ST7: variants seen among roughly 807,000 people sequenced by gnomAD.
ST7 encodes suppression of tumorigenicity 7.
Under a neutral mutation model 78.7 loss-of-function variants are expected in ST7, and 28 were observed. That is an observed-to-expected ratio of 0.36 (90% CI 0.26 to 0.49). The LOEUF (loss-of-function observed/expected upper bound fraction) is 0.49, where lower values mean the gene tolerates loss of function less well. ST7 is among the 20% of genes least tolerant of loss of function. ST7 has a pLI of 0.99. For missense variants in ST7, 418 were observed against 696.0 expected, an observed-to-expected ratio of 0.60 and a Z score of 4.49; for synonymous variants, 247 against 249.6, an observed-to-expected ratio of 0.99 and a Z score of 0.10.
intron 12 of ST7, among the ~76,000 whole-genome samples, chr7:117,200,708 C>T (rs763762634): frequency 4.6e-5 from 7 of 151,454 alleles, no homozygotes; most frequent in African/African-American, 1.5e-4. Flanking sequence ...TAGCCCAGTA[C>T]GTATTTAGCT....
rs761141138 is a variant in ST7 at position 117,112,108 on chromosome 7, G to A, written c.235-7453G>A. Among the ~76,000 whole-genome samples the A allele has an allele frequency of 4.4e-4, 65 of 149,248 alleles. No individual in the cohort carries two copies. The Middle Eastern group carries it at 0.01, about 23-fold the overall frequency. On this transcript the variant is annotated intron_variant, in intron 2 of 15. Transcript: ENST00000323984. ...CATATATATGCATGTGTGTGTGTGT[G>A]TATATATATATATAACAGAGGTATT...
At chr7:116,980,466 G>A (rs1330032112) in intron 1 of ST7, among the ~76,000 whole-genome samples, 2 of 151,926 alleles carry the variant, frequency 1.3e-5, no homozygotes, top group Admixed American at 6.6e-5. Context: ...CTTTTCCCTC[G>A]AGAGTTTTAC....
In ST7 at chr7:117,014,526, A is replaced by G. The variant is rs1476139735; in HGVS notation, c.151+60835A>G. Among the ~76,000 whole-genome samples the G allele has an allele frequency of 3.7e-4, 57 of 152,256 alleles. 1 individual carries two copies. The highest frequency in any genetic ancestry group is 2.9e-5 in the Non-Finnish European group (2 of 68,048). On this transcript the variant is annotated intron_variant, in intron 1 of 15. Coordinates refer to ENST00000323984, the MANE Select transcript of ST7 (RefSeq NM_001369598.1). ...TTTCAAATGGACAAATGGATAAAAT[A>G]TGCATATGTACTATCAAATGAATGA...
At position 117,180,234 on chromosome 7, in the gene ST7, A is replaced by G. The variant is rs533514920; in HGVS notation, c.1079-9087A>G. On this transcript the variant is annotated intron_variant, in intron 10 of 15. Transcript: ENST00000323984. ...AAGGGAGAAGAGCCTGTCAGGACCT[A>G]TGTAGCCCATCAGTGCCTACCTACT... 2.6e-5 allele frequency among the ~76,000 whole-genome samples: 4 copies of G among 152,294 alleles called. No homozygotes were observed. In the South Asian group the frequency reaches 8.3e-4, roughly 32 times the overall value.
In ST7 at chr7:117,187,138, T is replaced by C. The variant is rs17139436; in HGVS notation, c.1079-2183T>C. On this transcript the variant is annotated intron_variant, in intron 10 of 15. Coordinates refer to ENST00000323984, the MANE Select transcript of ST7 (RefSeq NM_001369598.1). Reference sequence around the variant, plus strand: ...AGGCAAATTGCTATTACCAAGTAGATGTAATGTTTTTACAGATAAAAGAAT... The same window carrying C: ...AGGCAAATTGCTATTACCAAGTAGACGTAATGTTTTTACAGATAAAAGAAT... 5.1e-3 allele frequency among the ~76,000 whole-genome samples: 779 copies of C among 152,342 alleles called. 7 individuals are homozygous for C. Among genetic ancestry groups the C allele is most frequent in the African/African-American group, 0.018 (746 of 41,582 alleles).
Position 117,017,625 on chromosome 7 carries a change from CT to C in ST7, c.151+63943del, listed in dbSNP as rs1204034590. 1.2e-4 allele frequency among the ~76,000 whole-genome samples: 18 copies of C among 151,196 alleles called. No individual in the cohort carries two copies. The East Asian group carries it at 1.9e-3, about 16-fold the overall frequency. Reference sequence around the variant, plus strand: ...TTTGGGTTTGGATTGTATTATATGACTTTTTTTTTGGAGGGGGGTTAGTAAG... The same window carrying C: ...TTTGGGTTTGGATTGTATTATATGACTTTTTTTTGGAGGGGGGTTAGTAAG... On this transcript the variant is annotated intron_variant, in intron 1 of 15. Coordinates refer to ENST00000323984, the MANE Select transcript of ST7 (RefSeq NM_001369598.1).
chr7:117,175,240 G>A (rs1227559301), intron 10 of ST7, among the ~76,000 whole-genome samples: 1 of 152,126 alleles, frequency 6.6e-6, no homozygotes, highest in Non-Finnish European at 1.5e-5. Flanking sequence ...AGACAGCCAT[G>A]TTTTCAAGAT....
intron 9 of ST7, among the ~76,000 whole-genome samples, chr7:117,158,499 C>T (rs1806875384): frequency 6.6e-6 from 1 of 152,178 alleles, no homozygotes; most frequent in South Asian, 2.1e-4. Context: ...CTCTTTAGTT[C>T]TCAATGATGG....
At chr7:117,046,276 GTCGGGCAAGGCT>G (rs1797489186) in intron 1 of ST7, among the ~76,000 whole-genome samples, 2 of 152,098 alleles carry the variant, frequency 1.3e-5, no homozygotes, top group South Asian at 4.2e-4. Context: ...TATTCAGCCT[GTCGGGCAAGGCT>G]TCGTTTTTCT....
At chr7:117,179,147 CAT>C (rs1808557284) in intron 10 of ST7, among the ~76,000 whole-genome samples, 4 of 152,170 alleles carry the variant, frequency 2.6e-5, no homozygotes, top group African/African-American at 9.7e-5. Flanking sequence ...ATGCAGTACA[CAT>C]GTTGAGAAAT....
chr7:117,157,008 T>A (rs540521474), intron 9 of ST7, among the ~76,000 whole-genome samples: 1 of 152,270 alleles, frequency 6.6e-6, no homozygotes, highest in African/African-American at 2.4e-5. Context: ...GGTTACCAGA[T>A]GGGATGTTCA....
chr7:117,043,699 A>G (rs948273403), intron 1 of ST7, among the ~76,000 whole-genome samples: 1 of 152,206 alleles, frequency 6.6e-6, no homozygotes, highest in Non-Finnish European at 1.5e-5. Context: ...AGATGTTGCT[A>G]TTCATTGCAA....
intron 10 of ST7, among the ~76,000 whole-genome samples, chr7:117,179,082 G>A (rs1808551603): frequency 6.6e-6 from 1 of 152,024 alleles, no homozygotes; most frequent in South Asian, 2.1e-4. Flanking sequence ...AATAGACATC[G>A]AGATTAGAGC....
At chr7:117,035,476 C>G (rs1796840076) in intron 1 of ST7, among the ~76,000 whole-genome samples, 1 of 152,170 alleles carries the variant, frequency 6.6e-6, no homozygotes, top group South Asian at 2.1e-4. Context: ...AATAATTCAT[C>G]TGCAAATTCA....
intron 2 of ST7, among the ~76,000 whole-genome samples, chr7:117,102,376 G>C (rs184628828): frequency 1.6e-3 from 240 of 152,246 alleles, no homozygotes; most frequent in South Asian, 6.2e-3. Context: ...AAAAATATTT[G>C]AGTCTGACCT....
intron 2 of ST7, among the ~76,000 whole-genome samples, chr7:117,101,990 C>T (rs184840794): frequency 1.2e-3 from 187 of 152,236 alleles, no homozygotes; most frequent in Non-Finnish European, 1.9e-3. Flanking sequence ...CTAATCTGTT[C>T]ACCTGTATGT....
intron 13 of ST7, among the ~76,000 whole-genome samples, chr7:117,216,033 C>T (rs1032453960): frequency 6.6e-6 from 1 of 152,076 alleles, no homozygotes; most frequent in African/African-American, 2.4e-5. Flanking sequence ...CAGGAATTAA[C>T]TTGTTCATGT....
chr7:117,102,067 A>G (rs1367191647), intron 2 of ST7, among the ~76,000 whole-genome samples: 2 of 152,242 alleles, frequency 1.3e-5, no homozygotes, highest in East Asian at 3.8e-4. Flanking sequence ...AAGTGGCTCC[A>G]TAAAGCTATA....
At chr7:116,957,372 T>G (rs78728239) in intron 1 of ST7, among the ~76,000 whole-genome samples, 2 of 152,082 alleles carry the variant, frequency 1.3e-5, no homozygotes, top group Non-Finnish European at 2.9e-5. Context: ...TTTTTTTTTT[T>G]GTTTGTTTTT....
Sources: gnomAD v4.1 joint callset for allele counts (sites outside exome capture counted in the v4.1 genomes callset) on GRCh38, gnomAD v4.1.1 for gene constraint, MANE v1.5 for transcripts, NCBI Gene and HGNC (gene_info 2026-07-23, HGNC 2026-07-21) for gene names.